PRKCH: variants seen among roughly 807,000 people sequenced by gnomAD.
The protein encoded by PRKCH is protein kinase C eta, also known as protein kinase C eta type.
PRKCH carries 28 observed loss-of-function variants against 82.5 expected under a neutral mutation model. The ratio of observed to expected loss-of-function variants is 0.34; its 90% confidence interval spans 0.25 to 0.47. The LOEUF (loss-of-function observed/expected upper bound fraction) is 0.47, where lower values mean the gene tolerates loss of function less well. Ranked by LOEUF, PRKCH falls within the 20% of genes least tolerant of loss-of-function variation. The pLI is 1.00. For synonymous variants in PRKCH, 322 were observed against 327.4 expected (o/e 0.98, Z 0.18); for missense variants, 705 against 881.8 (o/e 0.80, Z 2.54).
chr14:61,274,057 G>A (rs1277281172), intron 1 of PRKCH, among the ~76,000 whole-genome samples: 2 of 152,184 alleles, frequency 1.3e-5, no homozygotes, highest in East Asian at 1.9e-4. Flanking sequence ...CAAATGCTCC[G>A]AGAAAGAAAT....
intron 3 of PRKCH, among the ~76,000 whole-genome samples, chr14:61,444,073 G>A (rs752587718): frequency 2.0e-5 from 3 of 152,184 alleles, no homozygotes; most frequent in Non-Finnish European, 2.9e-5. Flanking sequence ...GTTTCTGAAT[G>A]TTGATCAATT....
chr14:61,224,130 G>A (rs1475593619), intron 1 of PRKCH, among the ~76,000 whole-genome samples: 1 of 152,078 alleles, frequency 6.6e-6, no homozygotes, highest in Non-Finnish European at 1.5e-5. Context: ...CCACTCCCCT[G>A]TATGTAAGCA....
At chr14:61,435,552 C>A (rs532141480) in intron 2 of PRKCH, among the ~76,000 whole-genome samples, 1 of 152,030 alleles carries the variant, frequency 6.6e-6, no homozygotes, top group African/African-American at 2.4e-5. Flanking sequence ...AGCTAGAAGC[C>A]GGAGCTGGCC....
At chr14:61,482,451 A>G (rs1886022196) in intron 9 of PRKCH, among the ~76,000 whole-genome samples, 1 of 152,248 alleles carries the variant, frequency 6.6e-6, no homozygotes, top group South Asian at 2.1e-4. Context: ...GGGTTTCCTC[A>G]CAGCAAAAAC....
chr14:61,238,804 C>T (rs1367310573), intron 1 of PRKCH, among the ~76,000 whole-genome samples: 1 of 152,138 alleles, frequency 6.6e-6, no homozygotes, highest in African/African-American at 2.4e-5. Flanking sequence ...ATCTGTAAGA[C>T]CCGTGAAGGG....
chr14:61,505,942 CGTTAAGAAAG>C (rs1478287751), intron 10 of PRKCH, among the ~76,000 whole-genome samples: 2 of 152,052 alleles, frequency 1.3e-5, no homozygotes, highest in Non-Finnish European at 2.9e-5. Context: ...CCTAAAGCTC[CGTTAAGAAAG>C]GTGAGGAGCC....
chr14:61,520,811 T>C (rs1260468188), intron 10 of PRKCH, among the ~76,000 whole-genome samples: 1 of 152,218 alleles, frequency 6.6e-6, no homozygotes, highest in African/African-American at 2.4e-5. Flanking sequence ...GATGCAACCC[T>C]TTTGGAAAAC....
chr14:61,191,278 C>T (rs2044405294), intron 1 of PRKCH, among the ~76,000 whole-genome samples: 2 of 152,194 alleles, frequency 1.3e-5, no homozygotes, highest in Admixed American at 1.3e-4. Flanking sequence ...CTTACACTGA[C>T]TGAGTTTGTT....
chr14:61,530,319 T>G (rs942257590), intron 11 of PRKCH, 88 bp from the exon 12 acceptor site: 48 of 1,340,230 alleles, frequency 3.6e-5, no homozygotes, highest in Non-Finnish European at 4.1e-5. Flanking sequence ...CTTTGATATT[T>G]CCTAATGCAT....
At chr14:61,254,116 T>A (rs576229580) in intron 1 of PRKCH, among the ~76,000 whole-genome samples, 1 of 151,836 alleles carries the variant, frequency 6.6e-6, no homozygotes, top group South Asian at 2.1e-4. Flanking sequence ...GAAAAAGTTA[T>A]GTTTCTATTC....
At chr14:61,397,499 G>T (rs1470783758) in intron 2 of PRKCH, among the ~76,000 whole-genome samples, 1 of 152,222 alleles carries the variant, frequency 6.6e-6, no homozygotes, top group East Asian at 1.9e-4. Context: ...AAGAAAACCA[G>T]CAAGGCTGAC....
intron 1 of PRKCH, among the ~76,000 whole-genome samples, chr14:61,202,562 G>A (rs986083331): frequency 6.6e-6 from 1 of 152,152 alleles, no homozygotes; most frequent in Non-Finnish European, 1.5e-5. Context: ...GTGGGGGAGG[G>A]GAGGATGCAT....
intron 2 of PRKCH, among the ~76,000 whole-genome samples, chr14:61,437,183 T>A (rs1316686875): frequency 6.6e-6 from 1 of 152,226 alleles, no homozygotes; most frequent in African/African-American, 2.4e-5. Context: ...TTATCACGCG[T>A]CCTAATCTCT....
chr14:61,344,137 G>A (rs1056012270), intron 1 of PRKCH: 1 of 152,210 alleles, frequency 6.6e-6, no homozygotes, highest in Non-Finnish European at 1.5e-5. Flanking sequence ...GGTCAGTGAT[G>A]AGTCCAATGA....
At chr14:61,325,378 T>C (rs1184611981) in intron 1 of PRKCH, among the ~76,000 whole-genome samples, 1 of 152,236 alleles carries the variant, frequency 6.6e-6, no homozygotes, top group Non-Finnish European at 1.5e-5. Context: ...GGGGAAATGA[T>C]AGTCTTTTCA....
chr14:61,250,238 A>AAAATAAATAAATAAAT (rs371406494), intron 1 of PRKCH, among the ~76,000 whole-genome samples: 106 of 139,258 alleles, frequency 7.6e-4, no homozygotes, highest in African/African-American at 1.9e-3. Flanking sequence ...CTCAGTCTCA[A>AAAATAAATAAATAAAT]AAATAAATAA....
At chr14:61,251,617 G>T (rs911848443) in intron 1 of PRKCH, among the ~76,000 whole-genome samples, 7 of 152,126 alleles carry the variant, frequency 4.6e-5, no homozygotes, top group African/African-American at 1.4e-4. Flanking sequence ...TGGACACTCA[G>T]GTTGCTTCCA....
intron 10 of PRKCH, 68 bp downstream of exon 10, chr14:61,485,724 T>A: frequency 1.3e-6 from 2 of 1,505,310 alleles, no homozygotes; most frequent in Non-Finnish European, 9.0e-7. Flanking sequence ...GATCCATCCT[T>A]CCACTTCTCA....
chr14:61,247,410 G>T (rs929726584), intron 1 of PRKCH, among the ~76,000 whole-genome samples: 1 of 152,038 alleles, frequency 6.6e-6, no homozygotes, highest in Non-Finnish European at 1.5e-5. Context: ...AAAACTGATT[G>T]ATTAAATGAT....
Sources: gnomAD v4.1 joint callset for allele counts (sites outside exome capture counted in the v4.1 genomes callset) on GRCh38, gnomAD v4.1.1 for gene constraint, MANE v1.5 for transcripts, NCBI Gene and HGNC (gene_info 2026-07-23, HGNC 2026-07-21) for gene names.